DLC1: variants seen among roughly 807,000 people sequenced by gnomAD.
DLC1 encodes rho GTPase-activating protein 7.
A neutral mutation model predicts 140.3 loss-of-function variants in DLC1; 54 were observed. The observed-to-expected ratio is 0.38, with a 90% confidence interval of 0.31 to 0.48. DLC1 has a LOEUF of 0.48. Ranked by LOEUF, DLC1 falls within the 20% of genes least tolerant of loss-of-function variation. DLC1 has a pLI of 0.96. For missense variants in DLC1, 2,536 were observed against 1,907.0 expected, an observed-to-expected ratio of 1.33 and a Z score of -6.14; for synonymous variants, 986 against 728.1, an observed-to-expected ratio of 1.35 and a Z score of -5.70.
intron 15 of DLC1, among the ~76,000 whole-genome samples, chr8:13,089,500 C>T (rs1197479947): frequency 6.6e-6 from 1 of 151,862 alleles, no homozygotes; most frequent in Non-Finnish European, 1.5e-5. Flanking sequence ...TGGTGGGCAC[C>T]TGTAGCGCCA....
intron 1 of DLC1, among the ~76,000 whole-genome samples, chr8:13,591,674 G>A (rs1805521327): frequency 6.6e-6 from 1 of 152,006 alleles, no homozygotes; most frequent in Non-Finnish European, 1.5e-5. Flanking sequence ...TGTTGGCTTG[G>A]ACTTATTGGT....
chr8:13,238,084 G>T (rs181692453), intron 5 of DLC1, among the ~76,000 whole-genome samples: 1 of 152,262 alleles, frequency 6.6e-6, no homozygotes, highest in East Asian at 1.9e-4. Context: ...TATCCCCATT[G>T]TTATCCTAAA....
At chr8:13,239,369 A>G (rs961598876) in intron 5 of DLC1, among the ~76,000 whole-genome samples, 3 of 152,126 alleles carry the variant, frequency 2.0e-5, no homozygotes, top group Non-Finnish European at 4.4e-5. Flanking sequence ...TGTGGGGAAT[A>G]GTGAAAAGTC....
chr8:13,456,551 C>G (rs1327770866), intron 2 of DLC1, among the ~76,000 whole-genome samples: 1 of 152,138 alleles, frequency 6.6e-6, no homozygotes, highest in African/African-American at 2.4e-5. Flanking sequence ...TCCTGCCTCC[C>G]AGGCTCAAGC....
chr8:13,093,515 C>T (rs773641514), intron 12 of DLC1, among the ~76,000 whole-genome samples: 5 of 152,040 alleles, frequency 3.3e-5, no homozygotes, highest in South Asian at 4.2e-4. Flanking sequence ...CAAATAAACC[C>T]ATAAACAATC....
chr8:13,271,805 T>C (rs1300656853), intron 5 of DLC1, among the ~76,000 whole-genome samples: 1 of 152,186 alleles, frequency 6.6e-6, no homozygotes, highest in Non-Finnish European at 1.5e-5. Flanking sequence ...CTGACTCAGC[T>C]CCTGGGACTA....
chr8:13,283,176 A>G (rs1260362641), intron 5 of DLC1, among the ~76,000 whole-genome samples: 2 of 152,158 alleles, frequency 1.3e-5, no homozygotes, highest in Non-Finnish European at 2.9e-5. Flanking sequence ...TGACCATAGT[A>G]TTAATAAATG....
chr8:13,436,413 A>G (rs1044738474), intron 2 of DLC1, among the ~76,000 whole-genome samples: 1 of 152,214 alleles, frequency 6.6e-6, no homozygotes, highest in African/African-American at 2.4e-5. Context: ...TCAAGAGTTA[A>G]TCTCTGAAAT....
intron 5 of DLC1, among the ~76,000 whole-genome samples, chr8:13,160,779 G>C (rs1237995763): frequency 6.6e-6 from 1 of 152,148 alleles, no homozygotes; most frequent in Non-Finnish European, 1.5e-5. Context: ...AGGGGGTGGG[G>C]ATCAGGATAG....
At chr8:13,486,096 C>T (rs1179330882) in intron 2 of DLC1, among the ~76,000 whole-genome samples, 1 of 152,128 alleles carries the variant, frequency 6.6e-6, no homozygotes, top group Non-Finnish European at 1.5e-5. Flanking sequence ...CACTTTGTAA[C>T]TTTTAAGTGG....
intron 5 of DLC1, among the ~76,000 whole-genome samples, chr8:13,160,824 G>T (rs1055895504): frequency 6.6e-6 from 1 of 152,206 alleles, no homozygotes; most frequent in African/African-American, 2.4e-5. Flanking sequence ...GGTGGCTCAC[G>T]CCTGTAATCC....
At chr8:13,297,241 T>C (rs911811678) in intron 5 of DLC1, among the ~76,000 whole-genome samples, 3 of 98,992 alleles carry the variant, frequency 3.0e-5, no homozygotes, top group African/African-American at 1.2e-4. Flanking sequence ...CCCTAAATTC[T>C]TTCCTCATAA....
chr8:13,592,205 G>T (rs868668745), intron 1 of DLC1, among the ~76,000 whole-genome samples: 2 of 152,164 alleles, frequency 1.3e-5, no homozygotes, highest in Middle Eastern at 3.4e-3. Context: ...TCAACTTTTA[G>T]AATGTCTTCT....
chr8:13,086,420 G>C lies in DLC1; in HGVS notation c.4336C>G (p.Leu1446Val). The part of the protein sequence containing the change: ...NLPKGACALL[L>V]TSVDHDRAPV... ...GCGCGATCGTGATCCACAGAGGTTA[G>C]TAAAAGGGCACAGGCTCCTTTGGGT... Residue 1446 changes from leucine to valine, a missense_variant, in exon 17 of 18, where the codon CTA (leucine) becomes GTA (valine). By Grantham distance (32) the Leu-to-Val change is conservative (BLOSUM62 1). Coordinates refer to ENST00000276297, the MANE Select transcript of DLC1 (RefSeq NM_182643.3). The C allele has an allele frequency of 1.9e-6, 3 of 1,614,248 alleles. No homozygotes were observed. Among genetic ancestry groups the C allele is most frequent in the Non-Finnish European group, 2.5e-6 (3 of 1,180,050 alleles).
chr8:13,242,307 T>C (rs17127575), intron 5 of DLC1, among the ~76,000 whole-genome samples: 27,954 of 152,022 alleles, frequency 0.18, 2,818 homozygotes, highest in African/African-American at 0.27. Flanking sequence ...GGAAACCATT[T>C]CTGACACACA....
At chr8:13,573,825 T>C (rs1468618455) in intron 1 of DLC1, among the ~76,000 whole-genome samples, 1 of 152,176 alleles carries the variant, frequency 6.6e-6, no homozygotes, top group Non-Finnish European at 1.5e-5. Context: ...CTCTATGACA[T>C]TAATATAAAA....
At chr8:13,514,252 C>A (rs1162247803) in intron 1 of DLC1, among the ~76,000 whole-genome samples, 1 of 152,148 alleles carries the variant, frequency 6.6e-6, no homozygotes, top group Admixed American at 6.5e-5. Flanking sequence ...TTACACCTCA[C>A]ACTGATGTGT....
At chr8:13,548,490 C>A (rs191979602) in intron 1 of DLC1, among the ~76,000 whole-genome samples, 129 of 152,006 alleles carry the variant, frequency 8.5e-4, no homozygotes, top group African/African-American at 3.0e-3. Flanking sequence ...TGATAAATAA[C>A]AATAATAATT....
intron 1 of DLC1, among the ~76,000 whole-genome samples, chr8:13,578,263 CAT>C (rs1220394465): frequency 1.3e-5 from 2 of 152,304 alleles, no homozygotes; most frequent in South Asian, 2.1e-4. Context: ...TCCCCAGCCA[CAT>C]GTTTCAGTGA....
Sources: allele counts gnomAD v4.1 joint callset (sites outside exome capture counted in the v4.1 genomes callset), GRCh38; gene constraint gnomAD v4.1.1; transcripts MANE v1.5; gene names NCBI Gene and HGNC (gene_info 2026-07-23, HGNC 2026-07-21).